PTPRM: variants seen among roughly 807,000 people sequenced by gnomAD.
PTPRM encodes protein tyrosine phosphatase receptor type M, also known as receptor-type tyrosine-protein phosphatase mu.
PTPRM carries 47 observed loss-of-function variants against 186.7 expected under a neutral mutation model. That is an observed-to-expected ratio of 0.25 (90% CI 0.20 to 0.32). The LOEUF is 0.32. PTPRM is among the 10% of genes least tolerant of loss of function. PTPRM has a pLI of 1.00. For synonymous variants in PTPRM, 668 were observed against 674.9 expected, an observed-to-expected ratio of 0.99 and a Z score of 0.16; for missense variants, 1,494 against 1,865.0, an observed-to-expected ratio of 0.80 and a Z score of 3.66.
intron 7 of PTPRM, among the ~76,000 whole-genome samples, chr18:8,041,215 A>G (rs986801107): frequency 6.6e-6 from 1 of 152,230 alleles, no homozygotes; most frequent in Non-Finnish European, 1.5e-5. Context: ...GAAGATTGAT[A>G]CCATGGTTTA....
At chr18:7,888,813 A>G (rs2048915838) in intron 3 of PTPRM, among the ~76,000 whole-genome samples, 1 of 152,204 alleles carries the variant, frequency 6.6e-6, no homozygotes, top group African/African-American at 2.4e-5. Context: ...AAAGAATGAA[A>G]TCATGTCTTT....
intron 23 of PTPRM, among the ~76,000 whole-genome samples, chr18:8,355,440 C>G (rs941004313): frequency 2.0e-5 from 3 of 152,028 alleles, no homozygotes; most frequent in African/African-American, 7.2e-5. Context: ...CAGTATGAAC[C>G]AGGGGAGATA....
intron 3 of PTPRM, among the ~76,000 whole-genome samples, chr18:7,905,947 A>G (rs148827514): frequency 0.013 from 1,981 of 152,328 alleles, 20 homozygotes; most frequent in South Asian, 0.033. Context: ...AGGGAAAACA[A>G]CCACAATCCA....
At chr18:7,956,337 A>G (rs2053309192) in intron 7 of PTPRM, among the ~76,000 whole-genome samples, 1 of 152,246 alleles carries the variant, frequency 6.6e-6, no homozygotes, top group South Asian at 2.1e-4. Flanking sequence ...TGGTAGGAGT[A>G]AGAGAAATTA....
intron 8 of PTPRM, among the ~76,000 whole-genome samples, chr18:8,072,125 G>A (rs968281775): frequency 1.3e-5 from 2 of 152,166 alleles, no homozygotes; most frequent in East Asian, 1.9e-4. Context: ...AGCAATAGGC[G>A]TGATATTGAG....
intron 24 of PTPRM, among the ~76,000 whole-genome samples, chr18:8,374,397 C>G (rs1233234405): frequency 6.6e-6 from 1 of 152,102 alleles, no homozygotes; most frequent in Non-Finnish European, 1.5e-5. Flanking sequence ...AAAGTATTTA[C>G]CGTCAATAAG....
chr18:7,957,563 A>C (rs575148697), intron 7 of PTPRM, among the ~76,000 whole-genome samples: 102 of 152,244 alleles, frequency 6.7e-4, no homozygotes, highest in African/African-American at 2.2e-3. Flanking sequence ...GCATGGAGTC[A>C]CCCTTAGAAA....
At chr18:7,577,877 T>C (rs2036731059) in intron 1 of PTPRM, among the ~76,000 whole-genome samples, 1 of 152,176 alleles carries the variant, frequency 6.6e-6, no homozygotes, top group Non-Finnish European at 1.5e-5. Context: ...CTAATCTTGC[T>C]CAGTAGGCAG....
chr18:7,613,846 T>A (rs1010303497), intron 1 of PTPRM, among the ~76,000 whole-genome samples: 4 of 152,208 alleles, frequency 2.6e-5, no homozygotes, highest in African/African-American at 9.7e-5. Flanking sequence ...CATAATGATT[T>A]TTATTTGTAT....
chr18:7,821,897 G>T (rs1417327890), intron 2 of PTPRM, among the ~76,000 whole-genome samples: 1 of 152,192 alleles, frequency 6.6e-6, no homozygotes, highest in Non-Finnish European at 1.5e-5. Context: ...TTAGAACAAT[G>T]CACAGCTTGA....
intron 7 of PTPRM, among the ~76,000 whole-genome samples, chr18:7,985,468 C>T (rs539841123): frequency 2.0e-4 from 27 of 135,358 alleles, no homozygotes; most frequent in Non-Finnish European, 2.7e-4. Flanking sequence ...CTGGTAGATA[C>T]GTAAATATAT....
At chr18:8,334,039 G>A (rs969849123) in intron 22 of PTPRM, among the ~76,000 whole-genome samples, 2 of 152,188 alleles carry the variant, frequency 1.3e-5, no homozygotes. Context: ...TGTAACAAAG[G>A]CACTTCATCT....
chr18:7,717,492 A>G (rs1017418589), intron 1 of PTPRM, among the ~76,000 whole-genome samples: 1 of 152,182 alleles, frequency 6.6e-6, no homozygotes, highest in African/African-American at 2.4e-5. Flanking sequence ...ACCATGCTTC[A>G]GTTCATTCAT....
At chr18:7,695,588 CTCT>C (rs535255454) in intron 1 of PTPRM, among the ~76,000 whole-genome samples, 80 of 152,304 alleles carry the variant, frequency 5.3e-4, no homozygotes, top group Admixed American at 1.6e-3. Flanking sequence ...TTAAAAAATG[CTCT>C]TGTCTGTTTT....
chr18:8,389,567 T>G (rs769638841), intron 31 of PTPRM, among the ~76,000 whole-genome samples: 1 of 152,208 alleles, frequency 6.6e-6, no homozygotes, highest in East Asian at 1.9e-4. Context: ...TTCTTTGGAA[T>G]ACTCCCCCCT....
intron 11 of PTPRM, 79 bp from the exon 12 acceptor site, chr18:8,113,407 G>C: frequency 7.6e-7 from 1 of 1,324,408 alleles, no homozygotes; most frequent in East Asian, 2.3e-5. Flanking sequence ...TGCGTGTCCT[G>C]TGGGTCCATG....
intron 7 of PTPRM, among the ~76,000 whole-genome samples, chr18:7,977,470 T>C (rs11081349): frequency 0.074 from 11,185 of 152,176 alleles, 542 homozygotes; most frequent in Non-Finnish European, 0.1. Flanking sequence ...GAGGCACCGA[T>C]GGCCTTTGTT....
At chr18:8,190,459 C>T (rs1413624898) in intron 14 of PTPRM, among the ~76,000 whole-genome samples, 1 of 152,174 alleles carries the variant, frequency 6.6e-6, no homozygotes, top group Non-Finnish European at 1.5e-5. Flanking sequence ...TTTAATTTAT[C>T]CCATTTTTGT....
chr18:8,038,388 T>C (rs1351385434), intron 7 of PTPRM, among the ~76,000 whole-genome samples: 1 of 150,642 alleles, frequency 6.6e-6, no homozygotes, highest in Non-Finnish European at 1.5e-5. Flanking sequence ...AGATTTTTTT[T>C]TTTTTTTTTT....
Sources: allele counts gnomAD v4.1 joint callset (sites outside exome capture counted in the v4.1 genomes callset), GRCh38; gene constraint gnomAD v4.1.1; transcripts MANE v1.5; gene names NCBI Gene and HGNC (gene_info 2026-07-23, HGNC 2026-07-21).